The following GLOD5 variants were observed in gnomAD, a reference collection of about 807,000 sequenced individuals.
The protein encoded by GLOD5 is glyoxalase domain-containing protein 5.
Under a neutral mutation model 9.9 loss-of-function variants are expected in GLOD5, and 7 were observed. That is an observed-to-expected ratio of 0.71 (90% CI 0.40 to 1.33). GLOD5 has a LOEUF of 1.33. GLOD5 is among the 40% of genes most tolerant of loss of function. The probability of loss-of-function intolerance (pLI) is 0.01; values close to 1 mark genes in which losing one functional copy is unlikely to be tolerated. For missense variants in GLOD5, 146 were observed against 128.4 expected (o/e 1.14, Z -0.66); for synonymous variants, 49 against 47.3 (o/e 1.04, Z -0.14).
At chrX:48,763,086 A>C (rs2062600356) in intron 1 of GLOD5, among the ~76,000 whole-genome samples, 1 of 112,104 alleles carries the variant, frequency 8.9e-6, no homozygotes, top group African/African-American at 3.2e-5. Flanking sequence ...ATAGTTCTAA[A>C]TGCACAGATC....
At chrX:48,768,675 T>C (rs950047704) in intron 2 of GLOD5, among the ~76,000 whole-genome samples, 1 of 111,865 alleles carries the variant, frequency 8.9e-6, no homozygotes, top group Non-Finnish European at 1.9e-5. Flanking sequence ...TAAAAGGCTA[T>C]GGGAAAATAA....
At chrX:48,770,369 G>A (rs1345137512) in intron 2 of GLOD5, among the ~76,000 whole-genome samples, 1 of 112,303 alleles carries the variant, frequency 8.9e-6, no homozygotes, top group Non-Finnish European at 1.9e-5. Context: ...AACTAACTGT[G>A]GGTTAAACAA....
At chrX:48,772,690 G>C (rs1425733079) in intron 3 of GLOD5, among the ~76,000 whole-genome samples, 2 of 111,469 alleles carry the variant, frequency 1.8e-5, no homozygotes, top group Non-Finnish European at 3.8e-5. Context: ...AAGCATAGGG[G>C]TTAAGAGTAT....
At chrX:48,768,927 G>A (rs972787694) in intron 2 of GLOD5, among the ~76,000 whole-genome samples, 2 of 109,217 alleles carry the variant, frequency 1.8e-5, no homozygotes, top group African/African-American at 6.7e-5. Context: ...CTACTCGGGA[G>A]GCTGAGGCAG....
chrX:48,770,280 A>G (rs2062618992), intron 2 of GLOD5, among the ~76,000 whole-genome samples: 1 of 111,346 alleles, frequency 9.0e-6, no homozygotes, highest in African/African-American at 3.3e-5. Context: ...GTCTCAAATA[A>G]TAATAAATAA....
chrX:48,765,762 A>G, intron 1 of GLOD5, 73 bp from the exon 2 acceptor site: 1 of 1,069,341 alleles, frequency 9.4e-7, no homozygotes. Context: ...AGGTAGGGGG[A>G]GGTGAGGAGA....
intron 3 of GLOD5, among the ~76,000 whole-genome samples, chrX:48,772,251 A>C (rs1233653117): frequency 9.1e-6 from 1 of 110,242 alleles, no homozygotes; most frequent in Non-Finnish European, 1.9e-5. Context: ...AAATTAAAAT[A>C]AGGCTGGGGC....
chrX:48,763,361 T>C (rs1035612905), intron 1 of GLOD5, among the ~76,000 whole-genome samples: 2 of 111,434 alleles, frequency 1.8e-5, no homozygotes, highest in Non-Finnish European at 3.8e-5. Flanking sequence ...AAACAGGGTA[T>C]TGTGACAGAT....
intron 1 of GLOD5, 197 bp from the exon 2 acceptor site, chrX:48,765,638 G>A: frequency 3.9e-6 from 2 of 512,855 alleles, no homozygotes; most frequent in Non-Finnish European, 3.6e-6. Flanking sequence ...AAGTGGTCAT[G>A]GTAGACATGT....
chrX:48,762,699 A>G (rs2062599550), intron 1 of GLOD5, among the ~76,000 whole-genome samples: 2 of 111,333 alleles, frequency 1.8e-5, no homozygotes, highest in African/African-American at 6.5e-5. Context: ...GGCCTCCCAA[A>G]GTGCTAGGAT....
intron 1 of GLOD5, chrX:48,765,577 CAAAAA>C (rs66661999): frequency 3.5e-4 from 62 of 176,985 alleles, no homozygotes; most frequent in Middle Eastern, 1.7e-3. Flanking sequence ...GACTCTGTCT[CAAAAA>C]AAAAAAAAAA....
chrX:48,773,171 A>G, intron 3 of GLOD5, 139 bp from the exon 4 acceptor site: 6 of 645,677 alleles, frequency 9.3e-6, no homozygotes, highest in South Asian at 2.4e-5. Context: ...CGGAGGTTGC[A>G]GTGAGCTGAG....
Position 48,765,928 on chromosome X carries a change from A to G in GLOD5, c.157A>G (p.Met53Val). The G allele has an allele frequency of 8.3e-7, 1 of 1,206,717 alleles. No individual in the cohort carries two copies. ...GGTGAAGAGCATCAAAGACACCACCATGTTTTATTCCAAGATCCTGGGCAT... is the reference window on the plus strand; with the variant it reads ...GGTGAAGAGCATCAAAGACACCACCGTGTTTTATTCCAAGATCCTGGGCAT... The part of the protein sequence containing the change: ...MTVKSIKDTT[M>V]FYSKILGMEV... Residue 53 changes from methionine to valine, a missense_variant, in exon 2 of 4, where the codon ATG (methionine) becomes GTG (valine). By Grantham distance (21) the Met-to-Val change is conservative (BLOSUM62 1). Coordinates refer to ENST00000303227, the MANE Select transcript of GLOD5 (RefSeq NM_001080489.3).
At chrX:48,767,546 G>C (rs1372889436) in intron 2 of GLOD5, among the ~76,000 whole-genome samples, 2 of 111,044 alleles carry the variant, frequency 1.8e-5, no homozygotes, top group Non-Finnish European at 3.8e-5. Context: ...AGGAGTTTGA[G>C]GCCAGCCTAT....
intron 1 of GLOD5, 183 bp from the exon 2 acceptor site, chrX:48,765,652 C>T (rs782512128): frequency 4.1e-6 from 2 of 489,775 alleles, no homozygotes; most frequent in Non-Finnish European, 7.5e-6. Context: ...GACATGTGGG[C>T]TCTCATGAAT....
Position 48,773,179 on chromosome X carries a change from G to T in GLOD5, c.358-131G>T. On this transcript the variant is annotated intron_variant, in intron 3 of 3. Transcript: ENST00000303227. ...GAGGCAGCGGAGGTTGCAGTGAGCT[G>T]AGATCTCACCACTGCACTCCAGCCT... is the stretch of plus-strand genomic sequence containing the variant. The T allele has an allele frequency of 5.5e-6, 4 of 721,810 alleles. No individual in the cohort carries two copies. In the Admixed American group the frequency reaches 1.1e-4, roughly 20 times the overall value. 59.5% of individuals were successfully genotyped at this position (721,810 alleles called of 1,213,427 possible).
intron 1 of GLOD5, among the ~76,000 whole-genome samples, chrX:48,763,715 G>A (rs1569497409): frequency 9.0e-6 from 1 of 111,531 alleles, no homozygotes; most frequent in Non-Finnish European, 1.9e-5. Flanking sequence ...AAAAAAGAAA[G>A]TTAATAAAAT....
intron 3 of GLOD5, among the ~76,000 whole-genome samples, chrX:48,772,025 C>T (rs782496175): frequency 1.8e-5 from 2 of 110,668 alleles, no homozygotes; most frequent in Non-Finnish European, 3.8e-5. Flanking sequence ...TCATTTGGGC[C>T]AGGAGTTCCA....
In GLOD5 at chrX:48,773,462, C is replaced by T. The variant is rs782070567; in HGVS notation, c.*27C>T. 10 of 1,197,219 alleles carry T rather than the reference C, an allele frequency of 8.4e-6. No individual in the cohort carries two copies. The highest frequency in any genetic ancestry group is 2.3e-4 in the Middle Eastern group (1 of 4,316). ...GGAGGCTGGACCTCCTCCATTCTGT[C>T]CCCCTTGATGTCGCCCTCTCCTTTC... is the stretch of plus-strand genomic sequence containing the variant. On this transcript the variant is annotated 3_prime_UTR_variant, in exon 4 of 4. Transcript: ENST00000303227.
Sources: gnomAD v4.1 joint callset for allele counts (sites outside exome capture counted in the v4.1 genomes callset) on GRCh38, gnomAD v4.1.1 for gene constraint, MANE v1.5 for transcripts, NCBI Gene and HGNC (gene_info 2026-07-23, HGNC 2026-07-21) for gene names.